The following LRRIQ4 variants were observed in gnomAD, a reference collection of about 807,000 sequenced individuals.
The protein encoded by LRRIQ4 is leucine rich repeats and IQ motif containing 4.
A neutral mutation model predicts 40.1 loss-of-function variants in LRRIQ4; 21 were observed. The ratio of observed to expected loss-of-function variants is 0.52; its 90% CI spans 0.37 to 0.75. The LOEUF (loss-of-function observed/expected upper bound fraction) is 0.75. Among genes scored for constraint, LRRIQ4 ranks in the 30% least tolerant of loss-of-function variants. The pLI is 0.00. For missense variants in LRRIQ4, 655 were observed against 660.0 expected, an observed-to-expected ratio of 0.99 and a Z score of 0.08; for synonymous variants, 277 against 277.1, an observed-to-expected ratio of 1.00 and a Z score of 0.00.
At chr3:169,829,728 T>A (rs1780119738) in intron 3 of LRRIQ4, among the ~76,000 whole-genome samples, 1 of 152,220 alleles carries the variant, frequency 6.6e-6, no homozygotes, top group South Asian at 2.1e-4. Context: ...CTCGAACTCC[T>A]GACCTCAGGT....
chr3:169,818,315 G>C (rs1429488552), intron 1 of LRRIQ4, among the ~76,000 whole-genome samples: 1 of 152,188 alleles, frequency 6.6e-6, no homozygotes, highest in Non-Finnish European at 1.5e-5. Flanking sequence ...TTGCTATGAT[G>C]TTAAAACCAG....
At position 169,830,530 on chromosome 3, in the gene LRRIQ4, G is replaced by C; in HGVS notation, c.1233G>C (p.Glu411Asp). Residue 411 changes from glutamate (E) to aspartate (D), a missense_variant, in exon 4 of 6, where the codon GAG becomes GAC. Coordinates refer to ENST00000340806, the MANE Select transcript of LRRIQ4 (RefSeq NM_001080460.3). ...KELYIENNHL[E>D]YLPVSLGSMP... is the part of the protein sequence containing the mutation. ...TATATATAGAGAACAATCATCTGGA[G>C]TACCTGCCCGTATCCTTGGGGTCAA... The C allele has an allele frequency of 6.2e-7, 1 of 1,610,870 alleles. No individual in the cohort carries two copies. The highest frequency in any genetic ancestry group is 8.5e-7 in the Non-Finnish European group (1 of 1,178,230).
Position 169,835,626 on chromosome 3 carries a change from A to G in LRRIQ4, c.1531-1853A>G, listed in dbSNP as rs557552418. The stretch of plus-strand genomic sequence containing the variant: ...TTGGAAAGGCTTTGTAGACCAGGGT[A>G]TAGGCCACACAATTGAAGACTGCTT... On this transcript the variant is annotated intron_variant, in intron 5 of 5. Coordinates refer to ENST00000340806, the MANE Select transcript of LRRIQ4 (RefSeq NM_001080460.3). Among the ~76,000 whole-genome samples, 94 of 152,244 alleles carry G rather than the reference A, an allele frequency of 6.2e-4. 2 individuals carry two copies. In the South Asian group the frequency reaches 0.019, roughly 30 times the overall value.
intron 4 of LRRIQ4, 98 bp downstream of exon 4, chr3:169,830,728 T>C: frequency 7.1e-7 from 1 of 1,404,154 alleles, no homozygotes; most frequent in Non-Finnish European, 9.8e-7. Flanking sequence ...TATCTCAGTG[T>C]TCAGAGAACT....
At chr3:169,831,562 A>G (rs1248655965) in intron 4 of LRRIQ4, among the ~76,000 whole-genome samples, 4 of 139,582 alleles carry the variant, frequency 2.9e-5, no homozygotes, top group Non-Finnish European at 6.1e-5. Context: ...TTGGCCTCCC[A>G]AAGTGCTGGA....
At position 169,822,822 on chromosome 3, in the gene LRRIQ4, T is replaced by A; in HGVS notation, c.901T>A (p.Cys301Ser). 1.2e-6 allele frequency: 2 copies of A among 1,613,592 alleles called. No homozygotes were observed. The highest frequency in any genetic ancestry group is 1.7e-6 in the Non-Finnish European group (2 of 1,179,728). The stretch of plus-strand genomic sequence containing the variant: ...GCACAGGCTGCGGGGCTCCTTCAGG[T>A]GCCTGGTCAACTTGCGCTTCCTGGA... ...GLHRLRGSFR[C>S]LVNLRFLDLS... Residue 301 changes from cysteine to serine, a missense_variant, in exon 2 of 6, where the codon TGC becomes AGC. By Grantham distance (112) the Cys-to-Ser change is moderately radical (BLOSUM62 -1). Transcript: ENST00000340806.
chr3:169,816,921 T>G (rs770121271), intron 1 of LRRIQ4, among the ~76,000 whole-genome samples: 1 of 152,200 alleles, frequency 6.6e-6, no homozygotes, highest in Non-Finnish European at 1.5e-5. Flanking sequence ...TCCACTTGCC[T>G]CAGCCTCCCA....
At chr3:169,834,862 ATACAT>A (rs568760174) in intron 5 of LRRIQ4, among the ~76,000 whole-genome samples, 313 of 152,134 alleles carry the variant, frequency 2.1e-3, no homozygotes, top group South Asian at 6.2e-3. Context: ...AAAAATGTAT[ATACAT>A]TACAACTATT....
chr3:169,825,448 A>G (rs557650270), intron 2 of LRRIQ4, among the ~76,000 whole-genome samples: 24 of 152,372 alleles, frequency 1.6e-4, no homozygotes, highest in Admixed American at 1.4e-3. Flanking sequence ...CTTAATCTCC[A>G]CTGATGTAGC....
chr3:169,831,891 C>T (rs1483371421), intron 4 of LRRIQ4, among the ~76,000 whole-genome samples: 10 of 150,890 alleles, frequency 6.6e-5, no homozygotes, highest in African/African-American at 9.8e-5. Context: ...TGCTTGAATC[C>T]GGGAGGCAGA....
rs547833140 is a variant in LRRIQ4 at position 169,814,777 on chromosome 3, G to T, written c.-32+1731G>T. Among the ~76,000 whole-genome samples the T allele has an allele frequency of 3.3e-5, 5 of 152,308 alleles. No homozygotes were observed. In the East Asian group the frequency reaches 9.6e-4, roughly 29 times the overall value. Reference sequence around the variant, plus strand: ...TGGGATTACAGGCGTGAGGCACTATGCCTGGCCCTTTAATCCATTTTGATT... The same window carrying T: ...TGGGATTACAGGCGTGAGGCACTATTCCTGGCCCTTTAATCCATTTTGATT... On this transcript the variant is annotated intron_variant, in intron 1 of 5. Coordinates refer to ENST00000340806, the MANE Select transcript of LRRIQ4 (RefSeq NM_001080460.3).
chr3:169,837,762 C>T lies in LRRIQ4; in HGVS notation c.*131C>T, dbSNP rs1780343675. On this transcript the variant is annotated 3_prime_UTR_variant, in exon 6 of 6. Transcript: ENST00000340806. The stretch of plus-strand genomic sequence containing the variant: ...TATGTGTAAAAATAAATGATTCTTA[C>T]TTTTACTGAAATATTTATGGATAAA... 17 of 761,904 alleles carry T rather than the reference C, an allele frequency of 2.2e-5. No homozygotes were observed. In the South Asian group the frequency reaches 2.9e-4, roughly 13 times the overall value. The allele number at this position is 761,904 out of a possible 1,614,324, so 47.2% of individuals were successfully genotyped here. A position where few individuals can be genotyped will look rare whatever the true frequency, so the allele number is the denominator to read the frequency against.
chr3:169,831,440 A>ATTT lies in LRRIQ4; in HGVS notation c.1333+851_1333+853dup, dbSNP rs750864248. Among the ~76,000 whole-genome samples, 93 of 29,428 alleles carry ATTT rather than the reference A, an allele frequency of 3.2e-3. 27 individuals are homozygous for ATTT. Among genetic ancestry groups the ATTT allele is most frequent in the Non-Finnish European group, 4.5e-3 (70 of 15,642 alleles). The allele number at this position is 29,428 out of a possible 152,430, so 19.3% of individuals were successfully genotyped here. Reference sequence around the variant, plus strand: ...AGGCGCCCGCCACCACGCCCGGCTAATTTTTTTTTTTTTTTTTTTTTTTTT... The same window carrying ATTT: ...AGGCGCCCGCCACCACGCCCGGCTAATTTTTTTTTTTTTTTTTTTTTTTTTTTT... On this transcript the variant is annotated intron_variant, in intron 4 of 5. Transcript: ENST00000340806.
chr3:169,813,391 A>G lies in LRRIQ4; in HGVS notation c.-32+345A>G, dbSNP rs1486696214. On this transcript the variant is annotated intron_variant, in intron 1 of 5. Coordinates refer to ENST00000340806, the MANE Select transcript of LRRIQ4 (RefSeq NM_001080460.3). ...TTTAGGGAATCATGGTGGGTGAGGGATCTGGTGTCTCATTGTCCAGATGTG... is the reference window on the plus strand; with the variant it reads ...TTTAGGGAATCATGGTGGGTGAGGGGTCTGGTGTCTCATTGTCCAGATGTG... Among the ~76,000 whole-genome samples, 3 of 152,190 alleles carry G rather than the reference A, an allele frequency of 2.0e-5. No individual in the cohort carries two copies. The East Asian group carries it at 5.8e-4, about 29-fold the overall frequency.
intron 1 of LRRIQ4, among the ~76,000 whole-genome samples, chr3:169,820,533 ATC>A (rs1779862504): frequency 7.2e-6 from 1 of 139,032 alleles, no homozygotes; most frequent in South Asian, 2.3e-4. Context: ...GAATATTGAC[ATC>A]TTTTTTTTTT....
intron 5 of LRRIQ4, among the ~76,000 whole-genome samples, chr3:169,834,410 A>G (rs1451604242): frequency 6.6e-6 from 1 of 152,218 alleles, no homozygotes; most frequent in African/African-American, 2.4e-5. Flanking sequence ...ATTACACTTG[A>G]AAGAATGAAA....
chr3:169,823,086 G>A, intron 2 of LRRIQ4, 145 bp downstream of exon 2: 1 of 660,428 alleles, frequency 1.5e-6, no homozygotes, highest in Non-Finnish European at 2.4e-6. Flanking sequence ...GTGATACTTT[G>A]TATTACTCTC....
chr3:169,834,014 A>G (rs1473571751), intron 5 of LRRIQ4, among the ~76,000 whole-genome samples: 1 of 152,238 alleles, frequency 6.6e-6, no homozygotes, highest in Non-Finnish European at 1.5e-5. Context: ...AATTTTAATC[A>G]AAATAACGCC....
At chr3:169,820,504 A>G (rs1359791333) in intron 1 of LRRIQ4, among the ~76,000 whole-genome samples, 2 of 151,762 alleles carry the variant, frequency 1.3e-5, no homozygotes, top group Non-Finnish European at 2.9e-5. Flanking sequence ...TTGCATAAAA[A>G]CTATAGATCC....
Sources: gnomAD v4.1 joint callset for allele counts (sites outside exome capture counted in the v4.1 genomes callset) on GRCh38, gnomAD v4.1.1 for gene constraint, MANE v1.5 for transcripts, NCBI Gene and HGNC (gene_info 2026-07-23, HGNC 2026-07-21) for gene names.